The following GALNT11 variants were observed in gnomAD, a reference collection of about 807,000 sequenced individuals.
GALNT11 encodes polypeptide N-acetylgalactosaminyltransferase 11.
Under a neutral mutation model 72.7 loss-of-function variants are expected in GALNT11, and 47 were observed. The observed-to-expected ratio is 0.65, with a 90% CI of 0.51 to 0.82. The LOEUF is 0.82. Ranked by LOEUF, GALNT11 falls within the 40% of genes least tolerant of loss-of-function variation. GALNT11 has a pLI of 0.00. For missense variants in GALNT11, 677 were observed against 778.4 expected (o/e 0.87, Z 1.55); for synonymous variants, 270 against 286.6 (o/e 0.94, Z 0.58).
intron 1 of GALNT11, among the ~76,000 whole-genome samples, chr7:152,065,163 T>C (rs569728113): frequency 1.1e-4 from 16 of 152,286 alleles, no homozygotes; most frequent in South Asian, 2.1e-4. Context: ...TTTTTACTCT[T>C]TTTTCTCTAA....
intron 1 of GALNT11, among the ~76,000 whole-genome samples, chr7:152,068,199 C>T (rs910831379): frequency 6.6e-6 from 1 of 152,212 alleles, no homozygotes; most frequent in Non-Finnish European, 1.5e-5. Flanking sequence ...CTATGAGCCC[C>T]TGACTACTAC....
chr7:152,105,401 G>T, intron 5 of GALNT11, 31 bp downstream of exon 5: 1 of 1,599,230 alleles, frequency 6.3e-7, no homozygotes, highest in Non-Finnish European at 8.5e-7. Flanking sequence ...TGCTCTACAG[G>T]TGTTGGATGA....
At chr7:152,101,060 T>G (rs2086840912) in intron 3 of GALNT11, 139 bp downstream of exon 3, 1 of 1,158,652 alleles carries the variant, frequency 8.6e-7, no homozygotes. Context: ...GAGACAGATT[T>G]CCACTTGTAT....
At chr7:152,097,957 T>C (rs770393811) in intron 2 of GALNT11, among the ~76,000 whole-genome samples, 2 of 152,214 alleles carry the variant, frequency 1.3e-5, no homozygotes, top group Non-Finnish European at 1.5e-5. Context: ...GAGAATGTAC[T>C]AAATGTCACT....
Position 152,076,399 on chromosome 7 carries a change from A to G in GALNT11, c.-38-17791A>G, listed in dbSNP as rs116722666. On this transcript the variant is annotated intron_variant, in intron 1 of 11. Transcript: ENST00000430044. ...TATTTGCGAGGTAATCCCAGGACAC[A>G]CCAGTAGGGGAATGAAGTGCGCCGT... 7.5e-3 allele frequency among the ~76,000 whole-genome samples: 1,137 copies of G among 152,314 alleles called. 15 individuals carry two copies. Among genetic ancestry groups the G allele is most frequent in the African/African-American group, 0.026 (1,096 of 41,570 alleles).
chr7:152,100,067 T>C (rs2086735981), intron 2 of GALNT11, among the ~76,000 whole-genome samples: 2 of 150,232 alleles, frequency 1.3e-5, no homozygotes, highest in Non-Finnish European at 3.0e-5. Flanking sequence ...GCGTGAGCCA[T>C]TGCGTCTGAC....
chr7:152,108,495 C>T (rs1393464109), intron 6 of GALNT11, among the ~76,000 whole-genome samples: 1 of 152,208 alleles, frequency 6.6e-6, no homozygotes, highest in African/African-American at 2.4e-5. Flanking sequence ...TGTGTGCCCT[C>T]AAGGACTTAG....
At chr7:152,045,811 T>C (rs193130433) in intron 1 of GALNT11, among the ~76,000 whole-genome samples, 1 of 152,026 alleles carries the variant, frequency 6.6e-6, no homozygotes, top group Admixed American at 6.5e-5. Context: ...TTATTGCTTT[T>C]CTTCTAATTT....
intron 1 of GALNT11, among the ~76,000 whole-genome samples, chr7:152,048,361 A>G (rs1181355988): frequency 6.6e-6 from 1 of 151,758 alleles, no homozygotes; most frequent in Non-Finnish European, 1.5e-5. Context: ...TTTGATTGTT[A>G]AATACATTGA....
In GALNT11 at chr7:152,025,827, GAGA is replaced by G. The variant is rs1176553409; in HGVS notation, c.-92_-90del. ...GGGTCGGACTGGGGCTGTGGCGGGA[GAGA>G]AGATGCCGCAGCCCGAGTCCCAGAA... is the stretch of plus-strand genomic sequence containing the variant. On this transcript the variant is annotated 5_prime_UTR_variant, in exon 1 of 12. In the 5' UTR this introduces an upstream ATG that the reference lacks. Transcript: ENST00000430044. The G allele has an allele frequency of 7.1e-6, 2 of 282,694 alleles. No individual in the cohort carries two copies. Among genetic ancestry groups the G allele is most frequent in the African/African-American group, 4.5e-5 (2 of 44,424 alleles). 17.5% of individuals were successfully genotyped at this position (282,694 alleles called of 1,614,324 possible).
At chr7:152,062,168 TCTC>T (rs2084054060) in intron 1 of GALNT11, among the ~76,000 whole-genome samples, 1 of 152,168 alleles carries the variant, frequency 6.6e-6, no homozygotes, top group African/African-American at 2.4e-5. Flanking sequence ...GGTTTGTAGT[TCTC>T]CTTGAAGAGA....
At chr7:152,036,990 C>T (rs1246638429) in intron 1 of GALNT11, among the ~76,000 whole-genome samples, 1 of 152,154 alleles carries the variant, frequency 6.6e-6, no homozygotes, top group African/African-American at 2.4e-5. Flanking sequence ...TTATTCATCC[C>T]TTGCCAGATG....
chr7:152,080,373 C>G (rs1423312484), intron 1 of GALNT11, among the ~76,000 whole-genome samples: 2 of 152,132 alleles, frequency 1.3e-5, no homozygotes, highest in East Asian at 1.9e-4. Context: ...GAGTTTCTGT[C>G]TAAGAAATTT....
chr7:152,056,527 A>G (rs561395417), intron 1 of GALNT11, among the ~76,000 whole-genome samples: 1 of 152,298 alleles, frequency 6.6e-6, no homozygotes, highest in Admixed American at 6.5e-5. Context: ...ACTACTCTGC[A>G]TGTCTACACA....
intron 9 of GALNT11, chr7:152,118,423 A>G (rs2089096160): frequency 4.8e-5 from 20 of 413,310 alleles, no homozygotes; most frequent in South Asian, 3.4e-4. Flanking sequence ...AAACATGTAT[A>G]TGTAGCTAGA....
chr7:152,114,057 C>T (rs1166562894), intron 8 of GALNT11, among the ~76,000 whole-genome samples: 5 of 151,926 alleles, frequency 3.3e-5, no homozygotes, highest in African/African-American at 1.2e-4. Context: ...AGCCACTGTG[C>T]CAGGCCTGGC....
chr7:152,082,168 G>A (rs2085360120), intron 1 of GALNT11, among the ~76,000 whole-genome samples: 1 of 152,206 alleles, frequency 6.6e-6, no homozygotes, highest in Non-Finnish European at 1.5e-5. Flanking sequence ...AAATGAACCT[G>A]CATAGAAGGT....
chr7:152,083,168 G>C (rs2085419582), intron 1 of GALNT11, among the ~76,000 whole-genome samples: 1 of 152,004 alleles, frequency 6.6e-6, no homozygotes, highest in South Asian at 2.1e-4. Context: ...AGTATCCAAA[G>C]TTTTTTGTCT....
intron 10 of GALNT11, chr7:152,120,366 C>T (rs1424242465): frequency 5.8e-6 from 1 of 173,564 alleles, no homozygotes; most frequent in East Asian, 1.8e-4. Context: ...TTGTTCACTG[C>T]ACTTGCCATG....
Sources: allele counts gnomAD v4.1 joint callset (sites outside exome capture counted in the v4.1 genomes callset), GRCh38; gene constraint gnomAD v4.1.1; transcripts MANE v1.5; gene names NCBI Gene and HGNC (gene_info 2026-07-23, HGNC 2026-07-21).